The following XYLB variants were observed in gnomAD, a reference collection of about 807,000 sequenced individuals.
The protein encoded by XYLB is xylulokinase.
In XYLB, 62 loss-of-function variants were observed where a neutral mutation model predicts 78.7. The observed-to-expected ratio is 0.79, with a 90% CI of 0.64 to 0.97. The LOEUF (loss-of-function observed/expected upper bound fraction) is 0.97. XYLB is among the 50% of genes least tolerant of loss of function. The pLI is 0.00. For missense variants in XYLB, 687 were observed against 676.8 expected (o/e 1.02, Z -0.17); for synonymous variants, 245 against 247.4 (o/e 0.99, Z 0.09).
intron 18 of XYLB, among the ~76,000 whole-genome samples, chr3:38,401,325 T>G (rs970690960): frequency 1.3e-5 from 2 of 151,990 alleles, no homozygotes; most frequent in African/African-American, 4.8e-5. Context: ...AGCACTGAAA[T>G]CTCAAGTCTA....
chr3:38,366,006 A>G (rs569600596), intron 6 of XYLB, among the ~76,000 whole-genome samples: 2 of 151,860 alleles, frequency 1.3e-5, no homozygotes, highest in East Asian at 3.9e-4. Context: ...ACCTCCTGTC[A>G]TTATTTGTAA....
chr3:38,368,142 T>C, intron 7 of XYLB, 43 bp from the exon 8 acceptor site: 6 of 1,570,702 alleles, frequency 3.8e-6, no homozygotes, highest in Non-Finnish European at 5.3e-6. Flanking sequence ...TAGCGTAGGG[T>C]ATGTGGAAGT....
At chr3:38,443,514 A>ACCC in the XYLB span, among the ~76,000 whole-genome samples, 1 of 152,220 alleles carries the variant, frequency 6.6e-6, no homozygotes, top group Non-Finnish European at 1.5e-5. Context: ...TCCTCTCTGA[A>ACCC]CCACCAGGGT....
chr3:38,440,308 A>G, the XYLB span, among the ~76,000 whole-genome samples: 2 of 152,244 alleles, frequency 1.3e-5, no homozygotes, highest in East Asian at 1.9e-4. Context: ...CGTTCAGTCC[A>G]TATTAACTTA....
At chr3:38,441,412 C>T in the XYLB span, among the ~76,000 whole-genome samples, 1 of 152,202 alleles carries the variant, frequency 6.6e-6, no homozygotes, top group Admixed American at 6.5e-5. Context: ...TTATTAGCCA[C>T]AAATGAACTT....
chr3:38,419,999 T>C (rs551267623), exon 18 of XYLB, among the ~76,000 whole-genome samples: 10 of 152,184 alleles, frequency 6.6e-5, no homozygotes, highest in Non-Finnish European at 1.3e-4. Context: ...TTTGTATTTT[T>C]AGTAGAGACG....
chr3:38,424,206 G>C (rs1295102459), downstream of XYLB, among the ~76,000 whole-genome samples: 11 of 152,176 alleles, frequency 7.2e-5, no homozygotes, highest in African/African-American at 2.4e-4. Flanking sequence ...TCACCTACTG[G>C]TGTTGTTGTT....
chr3:38,348,068 G>A (rs1380886424), intron 1 of XYLB, among the ~76,000 whole-genome samples: 1 of 152,236 alleles, frequency 6.6e-6, no homozygotes, highest in African/African-American at 2.4e-5. Context: ...CAAGCTTGGA[G>A]ATTGCTTCAG....
chr3:38,348,230 T>G (rs1184544472), intron 1 of XYLB, among the ~76,000 whole-genome samples: 16 of 152,210 alleles, frequency 1.1e-4, no homozygotes, highest in Non-Finnish European at 1.5e-5. Context: ...CCCGCCTCCT[T>G]GTCAGGTGCA....
chr3:38,392,769 A>G (rs1348807353), intron 15 of XYLB, among the ~76,000 whole-genome samples: 1 of 152,188 alleles, frequency 6.6e-6, no homozygotes, highest in African/African-American at 2.4e-5. Flanking sequence ...TGTTGCAGAT[A>G]TCTCTCATTT....
At chr3:38,424,530 A>T (rs138918480), downstream of XYLB, among the ~76,000 whole-genome samples, 14 of 152,328 alleles carry the variant, frequency 9.2e-5, no homozygotes, top group East Asian at 2.5e-3. Context: ...CTAAATTTAA[A>T]CGAATTGAAG....
chr3:38,346,881 GC>G lies in XYLB; in HGVS notation c.17del (p.Pro6LeufsTer15). On this transcript the variant is annotated frameshift_variant, in exon 1 of 19. Transcript: ENST00000207870. LOFTEE classifies it high-confidence loss of function. ...TACCCGAAAGGCCATGGCGGAGCAC[GC>G]CCCTCGCCGCTGCTGCCTGGGCTGG... MAEH[A>X]PRRCCLGWDF... is the part of the protein sequence containing the mutation. 6.6e-7 allele frequency: 1 copy of G among 1,519,262 alleles called. No individual in the cohort carries two copies. The highest frequency in any genetic ancestry group is 8.8e-7 in the Non-Finnish European group (1 of 1,136,482). 94.1% of individuals were successfully genotyped at this position (1,519,262 alleles called of 1,614,324 possible). A position where few individuals can be genotyped will look rare whatever the true frequency, so the allele number is the denominator to read the frequency against.
chr3:38,451,648 A>AAAC, the XYLB span: 1 of 152,510 alleles, frequency 6.6e-6, no homozygotes, highest in Non-Finnish European at 1.5e-5. Flanking sequence ...ACAAAAACAA[A>AAAC]AACAACTGTC....
intron 5 of XYLB, 117 bp downstream of exon 5, chr3:38,365,402 A>G (rs1177770148): frequency 7.3e-7 from 1 of 1,366,484 alleles, no homozygotes; most frequent in Non-Finnish European, 1.0e-6. Context: ...TCACCAGAAG[A>G]GCTTTCAACC....
intron 9 of XYLB, 166 bp from the exon 10 acceptor site, chr3:38,372,489 C>G (rs911202699): frequency 2.2e-5 from 22 of 985,174 alleles, no homozygotes; most frequent in Non-Finnish European, 2.5e-5. Context: ...GAGGGACATG[C>G]CCAGTTTGTG....
At position 38,413,126 on chromosome 3, in the gene XYLB, T is replaced by TG. The variant is rs1708666348; in HGVS notation, c.*114dup. 6.5e-6 allele frequency: 7 copies of TG among 1,085,134 alleles called. No individual in the cohort carries two copies. Among genetic ancestry groups the TG allele is most frequent in the Middle Eastern group, 2.1e-4 (1 of 4,716 alleles). 67.2% of individuals were successfully genotyped at this position (1,085,134 alleles called of 1,614,324 possible). Reference sequence around the variant, plus strand: ...TCTGAACAGCTCTTCCTGCCCCTACTGACTCCTTGGAGTGTCCAGGACCAT... The same window carrying TG: ...TCTGAACAGCTCTTCCTGCCCCTACTGGACTCCTTGGAGTGTCCAGGACCAT... On this transcript the variant is annotated 3_prime_UTR_variant, in exon 19 of 19. Coordinates refer to ENST00000207870, the MANE Select transcript of XYLB (RefSeq NM_005108.4).
chr3:38,403,015 G>C (rs1007332958), intron 18 of XYLB, among the ~76,000 whole-genome samples: 7 of 151,924 alleles, frequency 4.6e-5, no homozygotes, highest in South Asian at 2.1e-4. Context: ...ACTAATGTGG[G>C]GCCGGATGCA....
At chr3:38,393,544 C>CT (rs1346905461) in intron 15 of XYLB, among the ~76,000 whole-genome samples, 8 of 152,142 alleles carry the variant, frequency 5.3e-5, no homozygotes, top group Non-Finnish European at 1.2e-4. Flanking sequence ...TATTAGTTGG[C>CT]TAGGGCTGCC....
the XYLB span, among the ~76,000 whole-genome samples, chr3:38,438,155 G>A: frequency 4.1e-4 from 63 of 152,312 alleles, 1 homozygote; most frequent in Admixed American, 4.0e-3. Context: ...CTTGAACACA[G>A]GAATTCAAGG....
Sources: gnomAD v4.1 joint callset for allele counts (sites outside exome capture counted in the v4.1 genomes callset) on GRCh38, gnomAD v4.1.1 for gene constraint, MANE v1.5 for transcripts, NCBI Gene and HGNC (gene_info 2026-07-23, HGNC 2026-07-21) for gene names.